ABLIM2: variants seen among roughly 807,000 people sequenced by gnomAD.
The protein encoded by ABLIM2 is actin binding LIM protein family member 2.
Under a neutral mutation model 97.7 loss-of-function variants are expected in ABLIM2, and 53 were observed. The observed-to-expected ratio is 0.54, with a 90% CI of 0.44 to 0.68. ABLIM2 has a LOEUF of 0.68. Ranked by LOEUF, ABLIM2 falls within the 30% of genes least tolerant of loss-of-function variation. The pLI is 0.00. For synonymous variants in ABLIM2, 361 were observed against 345.8 expected (o/e 1.04, Z -0.49); for missense variants, 835 against 867.2 (o/e 0.96, Z 0.47).
intron 2 of ABLIM2, among the ~76,000 whole-genome samples, chr4:8,102,490 T>A (rs1244303730): frequency 2.0e-5 from 3 of 152,254 alleles, no homozygotes; most frequent in Non-Finnish European, 4.4e-5. Context: ...TGTTCATGGC[T>A]ATCTCCCAAA....
intron 2 of ABLIM2, among the ~76,000 whole-genome samples, chr4:8,101,977 T>G (rs1834878687): frequency 6.6e-6 from 1 of 152,106 alleles, no homozygotes; most frequent in African/African-American, 2.4e-5. Context: ...CGCCATTGGC[T>G]CCAGCCTAGG....
rs1714951550 is a variant in ABLIM2, at chr4:8,155,330, T to C, written c.10+3350A>G. Among the ~76,000 whole-genome samples the C allele has an allele frequency of 6.6e-6, 1 of 152,208 alleles. No individual in the cohort carries two copies. The highest frequency in any genetic ancestry group is 6.5e-5 in the Admixed American group (1 of 15,282). On this transcript the variant is annotated intron_variant, in intron 1 of 20. Transcript: ENST00000447017. This position sits in a 1 kb window ranked among gnomAD's most constrained non-coding sequence, Gnocchi z 4.2. ...TGAAGAAATGTGTCTCTGTTCCAAA[T>C]ACTAGGATCTGCACCGTCCACAGTC... is the stretch of plus-strand genomic sequence containing the variant.
intron 3 of ABLIM2, among the ~76,000 whole-genome samples, chr4:8,093,239 C>A (rs1241727505): frequency 6.6e-6 from 1 of 152,196 alleles, no homozygotes; most frequent in Admixed American, 6.5e-5. Flanking sequence ...TTTTGTAGAG[C>A]AGCGCTTCAT....
intron 1 of ABLIM2, among the ~76,000 whole-genome samples, chr4:8,144,465 C>T (rs1167916258): frequency 6.6e-6 from 1 of 151,350 alleles, no homozygotes; most frequent in Non-Finnish European, 1.5e-5. Context: ...GCAGACAGCA[C>T]ATAAAATGAC....
At chr4:7,979,290 C>G (rs956798209) in intron 20 of ABLIM2, among the ~76,000 whole-genome samples, 6 of 152,216 alleles carry the variant, frequency 3.9e-5, no homozygotes, top group Non-Finnish European at 7.3e-5. Context: ...CTCGGCACAC[C>G]CTGGAGGACT....
chr4:8,103,346 C>T (rs980429679), intron 2 of ABLIM2, among the ~76,000 whole-genome samples: 11 of 152,264 alleles, frequency 7.2e-5, no homozygotes, highest in Non-Finnish European at 1.6e-4. Context: ...TAAACAAGTG[C>T]AGCTCATTTG....
At chr4:8,074,776 CTTTT>C (rs71175458) in intron 6 of ABLIM2, among the ~76,000 whole-genome samples, 57 of 105,018 alleles carry the variant, frequency 5.4e-4, no homozygotes, top group Admixed American at 6.5e-4. Context: ...CCTGGTAATT[CTTTT>C]TTTTTTTTTT....
At chr4:8,084,009 C>T (rs942505391) in intron 4 of ABLIM2, among the ~76,000 whole-genome samples, 2 of 152,018 alleles carry the variant, frequency 1.3e-5, no homozygotes, top group Admixed American at 6.5e-5. Flanking sequence ...ACCCCCTCTG[C>T]AGCACCTCAG....
chr4:7,979,126 C>A (rs895520082), intron 20 of ABLIM2, among the ~76,000 whole-genome samples: 5 of 152,252 alleles, frequency 3.3e-5, no homozygotes, highest in Non-Finnish European at 7.3e-5. Flanking sequence ...ATGACCCATG[C>A]ACATCCTAAC....
rs1305460366 is a variant in ABLIM2 at position 8,122,130 on chromosome 4, A to G, written c.11-15493T>C. 1.3e-5 allele frequency among the ~76,000 whole-genome samples: 2 copies of G among 152,154 alleles called. No individual in the cohort carries two copies. Among genetic ancestry groups the G allele is most frequent in the Admixed American group, 6.5e-5 (1 of 15,268 alleles). On this transcript the variant is annotated intron_variant, in intron 1 of 20. Transcript: ENST00000447017. This position sits in a 1 kb window ranked among gnomAD's most constrained non-coding sequence, Gnocchi z 4.1. ...CCCAAGCATATACTGGCCACACCTC[A>G]GCTGCAACCCACTCCTCCCCAGGCC... is the stretch of plus-strand genomic sequence containing the variant.
chr4:8,141,516 G>A (rs1561625137), intron 1 of ABLIM2, among the ~76,000 whole-genome samples: 1 of 152,184 alleles, frequency 6.6e-6, no homozygotes, highest in Non-Finnish European at 1.5e-5. Flanking sequence ...GGGGAAGGGA[G>A]GTTATGCTTA....
chr4:7,989,163 C>A (rs1746754574), intron 17 of ABLIM2, among the ~76,000 whole-genome samples: 1 of 145,058 alleles, frequency 6.9e-6, no homozygotes. Context: ...CTCACTGCAA[C>A]CTCTGCCTCC....
intron 9 of ABLIM2, 84 bp downstream of exon 9, chr4:8,045,080 A>G (rs1326671218): frequency 4.1e-6 from 5 of 1,214,146 alleles, no homozygotes; most frequent in Middle Eastern, 2.4e-4. Flanking sequence ...AAACTCTCTT[A>G]GGGGTGGGCT....
rs145752856 is a variant in ABLIM2, at chr4:8,146,263, T to C, written c.10+12417A>G. On this transcript the variant is annotated intron_variant, in intron 1 of 20. Coordinates refer to ENST00000447017, the MANE Select transcript of ABLIM2 (RefSeq NM_001130083.2). Reference sequence around the variant, plus strand: ...ACAGGGTTTGGTGGTCAAAATCCTTTCAATAACAACACGAAGATATGGTTT... The same window carrying C: ...ACAGGGTTTGGTGGTCAAAATCCTTCCAATAACAACACGAAGATATGGTTT... Among the ~76,000 whole-genome samples, 195 of 152,296 alleles carry C rather than the reference T, an allele frequency of 1.3e-3. 1 individual carries two copies. Among genetic ancestry groups the C allele is most frequent in the African/African-American group, 4.4e-3 (182 of 41,562 alleles).
chr4:8,007,339 T>C (rs1013427245), intron 16 of ABLIM2: 3 of 985,256 alleles, frequency 3.0e-6, no homozygotes, highest in Admixed American at 1.2e-4. Flanking sequence ...TCTTCTGCTC[T>C]CACACCCCCA....
At position 8,033,759 on chromosome 4, in the gene ABLIM2, G is replaced by C. The variant is rs142301826; in HGVS notation, c.1047+2390C>G. ...TCACAGATGTCCTGCCATTTGAGAG[G>C]CGCAGCCCCAGAGAGGCTGAAAGAA... On this transcript the variant is annotated intron_variant, in intron 10 of 20. Coordinates refer to ENST00000447017, the MANE Select transcript of ABLIM2 (RefSeq NM_001130083.2). This position sits in a 1 kb window ranked among gnomAD's most constrained non-coding sequence, Gnocchi z 4.5. Among the ~76,000 whole-genome samples, 350 of 152,348 alleles carry C rather than the reference G, an allele frequency of 2.3e-3. 1 individual carries two copies. The highest frequency in any genetic ancestry group is 6.1e-3 in the Admixed American group (93 of 15,302).
intron 17 of ABLIM2, among the ~76,000 whole-genome samples, chr4:7,988,456 T>C (rs901431424): frequency 1.4e-4 from 21 of 152,362 alleles, no homozygotes; most frequent in Non-Finnish European, 2.9e-4. Flanking sequence ...TGAGATCATA[T>C]GACAAATACA....
chr4:8,080,532 A>C, intron 5 of ABLIM2, 144 bp downstream of exon 5: 1 of 977,948 alleles, frequency 1.0e-6, no homozygotes, highest in Non-Finnish European at 1.4e-6. Context: ...CATGCTTCTC[A>C]CCCAGCAGCA....
rs1800846831 is a variant in ABLIM2 at position 8,058,561 on chromosome 4, G to A, written c.763+2406C>T. ...TGGCTAAAGAGATGAAGTCACAATA[G>A]CAGACCTGTCCTCGCCGGGGCCCCT... is the stretch of plus-strand genomic sequence containing the variant. On this transcript the variant is annotated intron_variant, in intron 7 of 20. Transcript: ENST00000447017. This position sits in a 1 kb window ranked among gnomAD's most constrained non-coding sequence, Gnocchi z 4.2. Among the ~76,000 whole-genome samples the A allele has an allele frequency of 6.6e-6, 1 of 152,190 alleles. No individual in the cohort carries two copies. Among genetic ancestry groups the A allele is most frequent in the Non-Finnish European group, 1.5e-5 (1 of 68,034 alleles).
Sources: allele counts gnomAD v4.1 joint callset (sites outside exome capture counted in the v4.1 genomes callset), GRCh38; gene constraint gnomAD v4.1.1; non-coding constraint Gnocchi (gnomAD v3.1); transcripts MANE v1.5; gene names NCBI Gene and HGNC (gene_info 2026-07-23, HGNC 2026-07-21).